ZDHHC2: variants seen among roughly 807,000 people sequenced by gnomAD.
The protein encoded by ZDHHC2 is zDHHC palmitoyltransferase 2, also known as palmitoyltransferase ZDHHC2.
A neutral mutation model predicts 55.6 loss-of-function variants in ZDHHC2; 51 were observed. The observed-to-expected ratio is 0.92, with a 90% CI of 0.73 to 1.16. The LOEUF is 1.16. ZDHHC2 is among the 50% of genes most tolerant of loss of function. ZDHHC2 has a pLI of 0.00. For synonymous variants in ZDHHC2, 199 were observed against 152.9 expected (o/e 1.30, Z -2.22); for missense variants, 491 against 442.4 (o/e 1.11, Z -0.99).
At chr8:17,162,986 G>C (rs1273657546) in intron 1 of ZDHHC2, 1 of 152,242 alleles carries the variant, frequency 6.6e-6, no homozygotes, top group Non-Finnish European at 1.5e-5. Context: ...AGCAGTGTTT[G>C]CCTCTGCTAT....
Position 17,224,457 on chromosome 8 carries a change from C to G in ZDHHC2, c.*4236C>G, listed in dbSNP as rs1023893452. 13 of 151,692 alleles carry G rather than the reference C, an allele frequency of 8.6e-5. No homozygotes were observed. Among genetic ancestry groups the G allele is most frequent in the African/African-American group, 2.9e-4 (12 of 41,490 alleles). The allele number at this position is 151,692 out of a possible 1,614,324, so 9.4% of individuals were successfully genotyped here. ...CTTTTGCTCAGGAAAAATAGTACTA[C>G]TTTATGGTTTATGAAAACCTATGAT... On this transcript the variant is annotated 3_prime_UTR_variant, in exon 13 of 13. Coordinates refer to ENST00000262096, the MANE Select transcript of ZDHHC2 (RefSeq NM_016353.5).
intron 1 of ZDHHC2, among the ~76,000 whole-genome samples, chr8:17,178,855 AATGTT>A (rs1314586750): frequency 5.9e-5 from 9 of 152,202 alleles, no homozygotes; most frequent in African/African-American, 2.2e-4. Flanking sequence ...AAAAACAATT[AATGTT>A]ATAACAAAAA....
intron 3 of ZDHHC2, among the ~76,000 whole-genome samples, chr8:17,191,523 T>G (rs184126192): frequency 6.6e-6 from 1 of 152,364 alleles, no homozygotes; most frequent in Non-Finnish European, 1.5e-5. Flanking sequence ...TGAGTTTAGT[T>G]GTTTTAATTT....
intron 3 of ZDHHC2, among the ~76,000 whole-genome samples, chr8:17,186,743 T>C (rs62497327): frequency 1.3e-5 from 2 of 152,204 alleles, no homozygotes; most frequent in Non-Finnish European, 2.9e-5. Flanking sequence ...CATAATTCTA[T>C]GATAATTATC....
intron 6 of ZDHHC2, among the ~76,000 whole-genome samples, chr8:17,202,208 G>T (rs1420025423): frequency 1.3e-5 from 2 of 152,170 alleles, no homozygotes; most frequent in African/African-American, 4.8e-5. Flanking sequence ...AGCGACAGAA[G>T]TAGAAATTGT....
chr8:17,163,060 C>T (rs1006358572), intron 1 of ZDHHC2, among the ~76,000 whole-genome samples: 1 of 152,212 alleles, frequency 6.6e-6, no homozygotes, highest in Non-Finnish European at 1.5e-5. Context: ...TTTACTCTGT[C>T]CAGGGCCTGT....
rs528744797 is a variant in ZDHHC2, at chr8:17,196,956, C to G, written c.374-626C>G. 1.3e-4 allele frequency among the ~76,000 whole-genome samples: 19 copies of G among 151,938 alleles called. No individual in the cohort carries two copies. In the East Asian group the frequency reaches 3.5e-3, roughly 28 times the overall value. ...TTATATTACTTATATTTGTTTCTGA[C>G]TCACTTTAGAATCATAATTGAATCT... On this transcript the variant is annotated intron_variant, in intron 4 of 12. Coordinates refer to ENST00000262096, the MANE Select transcript of ZDHHC2 (RefSeq NM_016353.5).
chr8:17,188,535 CCTT>C (rs926607183), intron 3 of ZDHHC2, among the ~76,000 whole-genome samples: 1 of 152,168 alleles, frequency 6.6e-6, no homozygotes, highest in African/African-American at 2.4e-5. Flanking sequence ...ACTGGCAGCT[CCTT>C]CTTGGCCTCC....
chr8:17,202,968 G>T (rs544311696), intron 6 of ZDHHC2, among the ~76,000 whole-genome samples: 4 of 151,524 alleles, frequency 2.6e-5, no homozygotes, highest in African/African-American at 9.7e-5. Context: ...AAGAGCTGCT[G>T]CTTATATTCC....
chr8:17,210,626 A>G, intron 10 of ZDHHC2, 146 bp downstream of exon 10: 1 of 646,336 alleles, frequency 1.5e-6, no homozygotes. Flanking sequence ...GAAAAAAGAA[A>G]GTATGATTGA....
intron 1 of ZDHHC2, among the ~76,000 whole-genome samples, chr8:17,181,606 A>G (rs959458589): frequency 6.6e-6 from 1 of 152,224 alleles, no homozygotes; most frequent in Non-Finnish European, 1.5e-5. Context: ...TATCAGCATC[A>G]TTGTTAAATC....
At chr8:17,189,817 A>G (rs1051227647) in intron 3 of ZDHHC2, among the ~76,000 whole-genome samples, 10 of 152,216 alleles carry the variant, frequency 6.6e-5, no homozygotes, top group African/African-American at 2.4e-4. Context: ...TGATTTTTCT[A>G]CAAAAGACGT....
At chr8:17,194,424 A>G (rs1028503226) in intron 3 of ZDHHC2, among the ~76,000 whole-genome samples, 22 of 151,330 alleles carry the variant, frequency 1.5e-4, no homozygotes, top group African/African-American at 5.3e-4. Flanking sequence ...ACACCTAAGC[A>G]GCCACCGAGC....
chr8:17,194,440 T>A (rs955799938), intron 3 of ZDHHC2, among the ~76,000 whole-genome samples: 2 of 151,482 alleles, frequency 1.3e-5, no homozygotes, highest in Non-Finnish European at 2.9e-5. Flanking sequence ...CGAGCCAGTA[T>A]GTCAAACATT....
intron 12 of ZDHHC2, among the ~76,000 whole-genome samples, chr8:17,219,877 A>C (rs1807835798): frequency 6.6e-6 from 1 of 152,190 alleles, no homozygotes; most frequent in Non-Finnish European, 1.5e-5. Context: ...TGCCACTCCT[A>C]AACTCCATTC....
At chr8:17,212,955 T>G (rs528197281) in intron 10 of ZDHHC2, among the ~76,000 whole-genome samples, 143 of 152,246 alleles carry the variant, frequency 9.4e-4, no homozygotes, top group African/African-American at 3.3e-3. Flanking sequence ...CTCACACTCC[T>G]GGGCTCAAGC....
intron 7 of ZDHHC2, among the ~76,000 whole-genome samples, chr8:17,206,977 A>T (rs919845208): frequency 1.3e-5 from 2 of 152,210 alleles, no homozygotes; most frequent in African/African-American, 4.8e-5. Context: ...GGATTCTTTC[A>T]GTGTCCAGCT....
intron 1 of ZDHHC2, among the ~76,000 whole-genome samples, chr8:17,171,588 C>A (rs1035626432): frequency 6.6e-6 from 1 of 152,028 alleles, no homozygotes; most frequent in African/African-American, 2.4e-5. Context: ...TGAATGTTTA[C>A]CCAGCCTTCA....
intron 10 of ZDHHC2, among the ~76,000 whole-genome samples, chr8:17,212,248 A>G (rs547237015): frequency 1.2e-3 from 176 of 152,282 alleles, no homozygotes; most frequent in Non-Finnish European, 2.2e-3. Context: ...TCTTTACTCC[A>G]GAGTTGAATA....
Sources: allele counts gnomAD v4.1 joint callset (sites outside exome capture counted in the v4.1 genomes callset), GRCh38; gene constraint gnomAD v4.1.1; transcripts MANE v1.5; gene names NCBI Gene and HGNC (gene_info 2026-07-23, HGNC 2026-07-21).